Variants in ENTREP2 observed in about 807,000 individuals in gnomAD.
ENTREP2 encodes protein ENTREP2.
chr15:29,139,739 C>T, the ENTREP2 span, among the ~76,000 whole-genome samples: 1 of 152,218 alleles, frequency 6.6e-6, no homozygotes, highest in African/African-American at 2.4e-5. Context: ...GTTGGCCCCA[C>T]CTTCCTGGAC....
chr15:29,642,123 A>G, the ENTREP2 span, among the ~76,000 whole-genome samples: 1 of 152,180 alleles, frequency 6.6e-6, no homozygotes, highest in Non-Finnish European at 1.5e-5. Flanking sequence ...GCAAAAATTG[A>G]CAAGCTGATT....
the ENTREP2 span, among the ~76,000 whole-genome samples, chr15:29,239,013 A>G: frequency 9.8e-5 from 15 of 152,312 alleles, no homozygotes; most frequent in Middle Eastern, 3.4e-3. Flanking sequence ...ATGTCAATAA[A>G]GAGATATAAA....
chr15:29,533,579 C>T, the ENTREP2 span, among the ~76,000 whole-genome samples: 1 of 152,120 alleles, frequency 6.6e-6, no homozygotes, highest in South Asian at 2.1e-4. Context: ...GTGGTATATG[C>T]AACCCAGAAA....
At chr15:29,120,137 T>A in the ENTREP2 span, 1 of 152,156 alleles carries the variant, frequency 6.6e-6, no homozygotes, top group East Asian at 1.9e-4. Flanking sequence ...GTGGCATGGG[T>A]ATCCCAGGCT....
At chr15:29,645,863 T>G in the ENTREP2 span, among the ~76,000 whole-genome samples, 1 of 152,090 alleles carries the variant, frequency 6.6e-6, no homozygotes, top group Non-Finnish European at 1.5e-5. Flanking sequence ...CTGGCCGTGA[T>G]TACCATATTT....
At chr15:29,493,125 CTTTT>C in the ENTREP2 span, among the ~76,000 whole-genome samples, 1 of 84,774 alleles carries the variant, frequency 1.2e-5, no homozygotes, top group East Asian at 3.6e-4. Context: ...CCTGACAACC[CTTTT>C]TTTTTTTTTT....
the ENTREP2 span, among the ~76,000 whole-genome samples, chr15:29,160,198 C>G: frequency 6.6e-6 from 1 of 152,246 alleles, no homozygotes; most frequent in Admixed American, 6.5e-5. Context: ...CCCACGCCCA[C>G]TTGGAACTCC....
chr15:29,481,409 T>C, the ENTREP2 span, among the ~76,000 whole-genome samples: 10 of 152,178 alleles, frequency 6.6e-5, no homozygotes, highest in Admixed American at 2.0e-4. Context: ...CCTCTGTGAA[T>C]GAAACAGAAT....
chr15:29,119,037 A>G, the ENTREP2 span, among the ~76,000 whole-genome samples: 5 of 152,048 alleles, frequency 3.3e-5, no homozygotes, highest in African/African-American at 1.2e-4. Context: ...TAAGGAGAAG[A>G]CTTACTCTCA....
chr15:29,305,074 G>A, the ENTREP2 span, among the ~76,000 whole-genome samples: 2 of 152,182 alleles, frequency 1.3e-5, no homozygotes, highest in African/African-American at 2.4e-5. Flanking sequence ...CTCCATGAGG[G>A]CTGAGATCTT....
the ENTREP2 span, among the ~76,000 whole-genome samples, chr15:29,205,465 A>C: frequency 1.3e-5 from 2 of 152,076 alleles, no homozygotes; most frequent in Non-Finnish European, 2.9e-5. Flanking sequence ...ACTTCTCTAC[A>C]TCCTCACCAA....
the ENTREP2 span, among the ~76,000 whole-genome samples, chr15:29,477,809 G>A: frequency 7.2e-5 from 11 of 151,918 alleles, no homozygotes; most frequent in Admixed American, 3.3e-4. Context: ...GGGCATGAGC[G>A]TTCCCGAGGT....
the ENTREP2 span, among the ~76,000 whole-genome samples, chr15:29,403,709 C>A: frequency 6.1e-4 from 93 of 152,324 alleles, no homozygotes; most frequent in African/African-American, 2.2e-3. Flanking sequence ...CCTAGAGGTG[C>A]CTCTGCCTGG....
At chr15:29,368,196 A>G in the ENTREP2 span, among the ~76,000 whole-genome samples, 4 of 151,868 alleles carry the variant, frequency 2.6e-5, no homozygotes, top group African/African-American at 9.7e-5. Context: ...ATGGTGGCAC[A>G]TGCCTGTAAT....
At chr15:29,481,296 A>T in the ENTREP2 span, among the ~76,000 whole-genome samples, 1 of 152,158 alleles carries the variant, frequency 6.6e-6, no homozygotes, top group African/African-American at 2.4e-5. Context: ...GCTACAAAAT[A>T]TCTGGGGGTG....
the ENTREP2 span, among the ~76,000 whole-genome samples, chr15:29,174,089 CAA>C: frequency 1.3e-5 from 2 of 152,106 alleles, no homozygotes; most frequent in Non-Finnish European, 2.9e-5. Flanking sequence ...GAAAAAACTC[CAA>C]AGAGTACTTG....
the ENTREP2 span, among the ~76,000 whole-genome samples, chr15:29,313,512 G>C: frequency 5.9e-5 from 9 of 152,116 alleles, no homozygotes; most frequent in Non-Finnish European, 5.9e-5. Context: ...CTGTGCACTA[G>C]AACTAGCCCA....
chr15:29,318,522 G>A, the ENTREP2 span, among the ~76,000 whole-genome samples: 7 of 151,962 alleles, frequency 4.6e-5, no homozygotes, highest in East Asian at 1.9e-4. Context: ...GGGTTTCACC[G>A]TGTTAGCCAG....
chr15:29,494,554 A>T, the ENTREP2 span, among the ~76,000 whole-genome samples: 2 of 152,324 alleles, frequency 1.3e-5, no homozygotes, highest in African/African-American at 4.8e-5. Flanking sequence ...CTCTCTTAGC[A>T]AATTTCAAGT....
Sources: gnomAD v4.1 joint callset for allele counts (sites outside exome capture counted in the v4.1 genomes callset) on GRCh38, gnomAD v4.1.1 for gene constraint, MANE v1.5 for transcripts, NCBI Gene and HGNC (gene_info 2026-07-23, HGNC 2026-07-21) for gene names.